Variants in JMJD1C observed in about 807,000 individuals in gnomAD.
JMJD1C encodes jumonji domain-containing protein 1C.
A neutral mutation model predicts 245.3 loss-of-function variants in JMJD1C; 31 were observed. That is an observed-to-expected ratio of 0.13 (90% confidence interval 0.09 to 0.17). The LOEUF is 0.17. Among genes scored for constraint, JMJD1C ranks in the 10% least tolerant of loss-of-function variants. The pLI is 1.00. For synonymous variants in JMJD1C, 1,057 were observed against 1,017.4 expected, an observed-to-expected ratio of 1.04 and a Z score of -0.74; for missense variants, 2,691 against 3,000.2, an observed-to-expected ratio of 0.90 and a Z score of 2.41.
Position 63,471,960 on chromosome 10 carries a change from C to T in JMJD1C, n.113+49778G>A, listed in dbSNP as rs1318767228. 3.3e-5 allele frequency among the ~76,000 whole-genome samples: 5 copies of T among 152,188 alleles called. No homozygotes were observed. The East Asian group carries it at 9.7e-4, about 29-fold the overall frequency. On this transcript the variant is annotated intron_variant and non_coding_transcript_variant, in intron 1 of 3. Coordinates refer to the JMJD1C transcript ENST00000633035. ...GGCTAAGGGAGGGGAATCACTTGAA[C>T]GCGGGAAGCAAGAGACTTCAGTGGG...
chr10:63,440,694 A>T (rs1951332610), intron 1 of JMJD1C, among the ~76,000 whole-genome samples: 1 of 152,176 alleles, frequency 6.6e-6, no homozygotes, highest in Non-Finnish European at 1.5e-5. Context: ...GGATATTTTA[A>T]TTCAAAATAT....
At chr10:63,441,316 G>A (rs56206255) in intron 1 of JMJD1C, among the ~76,000 whole-genome samples, 30,650 of 152,078 alleles carry the variant, frequency 0.2, 4,050 homozygotes, top group Non-Finnish European at 0.29. Context: ...GGAGTCATAG[G>A]ACCTGGGTTC....
chr10:63,340,574 G>C (rs10733790), intron 2 of JMJD1C, among the ~76,000 whole-genome samples: 130,892 of 152,264 alleles, frequency 0.86, 56,963 homozygotes, highest in African/African-American at 0.96. Context: ...AGAAACTGGA[G>C]AGCAGTGTAA....
chr10:63,346,412 T>C (rs939300108), intron 2 of JMJD1C, among the ~76,000 whole-genome samples: 2 of 152,254 alleles, frequency 1.3e-5, no homozygotes, highest in African/African-American at 2.4e-5. Flanking sequence ...TGGGTTCTTA[T>C]GTATGAACTG....
In JMJD1C at chr10:63,209,054, T is replaced by C. The variant is rs1028588733; in HGVS notation, c.2867+9A>G. On this transcript the variant is annotated intron_variant, in intron 9 of 25. Transcript: ENST00000399262. Reference sequence around the variant, plus strand: ...GGTATTTATAATTTTTAAGCACTGGTGAACTTACTCCTTATGATGATCTAC... The same window carrying C: ...GGTATTTATAATTTTTAAGCACTGGCGAACTTACTCCTTATGATGATCTAC... 6.3e-7 allele frequency: 1 copy of C among 1,598,928 alleles called. No homozygotes were observed. The highest frequency in any genetic ancestry group is 1.3e-5 in the African/African-American group (1 of 74,238).
chr10:63,222,760 T>C (rs1848755464), intron 3 of JMJD1C: 2 of 1,502,768 alleles, frequency 1.3e-6, no homozygotes, highest in African/African-American at 2.8e-5. Flanking sequence ...CACTGAAAAC[T>C]GAAACTAATT....
At chr10:63,222,215 A>C in intron 3 of JMJD1C, 1 of 763,884 alleles carries the variant, frequency 1.3e-6, no homozygotes, top group Non-Finnish European at 2.4e-6. Flanking sequence ...GTTCAGAGGA[A>C]TTTATAGGGG....
chr10:63,450,265 T>C (rs574943139), intron 1 of JMJD1C, among the ~76,000 whole-genome samples: 1 of 152,184 alleles, frequency 6.6e-6, no homozygotes, highest in South Asian at 2.1e-4. Context: ...TACCCATCTG[T>C]AGTTCCTGCT....
chr10:63,292,272 T>C (rs976422710), intron 2 of JMJD1C, among the ~76,000 whole-genome samples: 5 of 150,416 alleles, frequency 3.3e-5, no homozygotes, highest in African/African-American at 1.2e-4. Flanking sequence ...AATTTATATT[T>C]CTATTCTGCA....
Position 63,213,809 on chromosome 10 carries a change from T to A in JMJD1C, c.2358A>T (p.Pro786=), listed in dbSNP as rs1447114427. 6.2e-7 allele frequency: 1 copy of A among 1,614,058 alleles called. No homozygotes were observed. The highest frequency in any genetic ancestry group is 1.7e-5 in the Admixed American group (1 of 60,000). Residue 786 remains proline (P), a synonymous_variant, in exon 8 of 26, where the codon CCA becomes CCT. Transcript: ENST00000399262. ...AATGAGGGTGATGAACAGCATGGTGTGGACCACTAGTCAGAGGATGAGTGT... is the reference window on the plus strand; with the variant it reads ...AATGAGGGTGATGAACAGCATGGTGAGGACCACTAGTCAGAGGATGAGTGT... ...TINTHPLTSG[P]HHAVHHPHLL...
intron 1 of JMJD1C, among the ~76,000 whole-genome samples, chr10:63,514,001 T>C (rs1320889656): frequency 1.3e-5 from 2 of 152,040 alleles, no homozygotes; most frequent in South Asian, 2.1e-4. Flanking sequence ...AAAGAAGACA[T>C]ACAAGCAGCC....
At chr10:63,473,813 C>A (rs902518425) in intron 1 of JMJD1C, among the ~76,000 whole-genome samples, 5 of 151,610 alleles carry the variant, frequency 3.3e-5, no homozygotes, top group Admixed American at 2.0e-4. Context: ...GAGGCCAAGG[C>A]GGGCGGATCA....
intron 3 of JMJD1C, among the ~76,000 whole-genome samples, chr10:63,225,392 T>C (rs1849140205): frequency 6.6e-6 from 1 of 152,056 alleles, no homozygotes; most frequent in Admixed American, 6.6e-5. Flanking sequence ...GGTTTGGGGG[T>C]ACATCAGTCA....
intron 2 of JMJD1C, among the ~76,000 whole-genome samples, chr10:63,322,158 T>C (rs1471132836): frequency 6.6e-6 from 1 of 152,224 alleles, no homozygotes; most frequent in Non-Finnish European, 1.5e-5. Flanking sequence ...TTATTCTCTC[T>C]CATGTTGGGA....
intron 1 of JMJD1C, among the ~76,000 whole-genome samples, chr10:63,408,713 G>GT (rs58262465): frequency 0.024 from 3,498 of 142,854 alleles, 44 homozygotes; most frequent in Non-Finnish European, 0.025. Context: ...ATGTAGGGTG[G>GT]TTTTTTTTTT....
chr10:63,312,543 G>A (rs891394928), intron 2 of JMJD1C, among the ~76,000 whole-genome samples: 3 of 152,140 alleles, frequency 2.0e-5, no homozygotes, highest in African/African-American at 7.2e-5. Flanking sequence ...ACTCCATGAG[G>A]AAATCTAAAT....
At chr10:63,505,139 C>T (rs1415615480) in intron 1 of JMJD1C, among the ~76,000 whole-genome samples, 5 of 151,958 alleles carry the variant, frequency 3.3e-5, no homozygotes, top group African/African-American at 1.2e-4. Context: ...GGTGAAACCC[C>T]GTCTCTATTA....
chr10:63,268,623 A>T, intron 2 of JMJD1C: 2 of 821,818 alleles, frequency 2.4e-6, no homozygotes, highest in Non-Finnish European at 2.9e-6. Context: ...AATGTAAATT[A>T]AGACAAAAGA....
intron 2 of JMJD1C, among the ~76,000 whole-genome samples, chr10:63,315,651 C>G (rs1234734654): frequency 6.6e-6 from 1 of 151,898 alleles, no homozygotes; most frequent in African/African-American, 2.4e-5. Context: ...ATCATCCTGG[C>G]CAACATGGTG....
Sources: allele counts gnomAD v4.1 joint callset (sites outside exome capture counted in the v4.1 genomes callset), GRCh38; gene constraint gnomAD v4.1.1; transcripts MANE v1.5; gene names NCBI Gene and HGNC (gene_info 2026-07-23, HGNC 2026-07-21).